Variants in NPAS3 observed in about 807,000 individuals in gnomAD.
NPAS3 encodes the protein neuronal PAS domain protein 3, also known as neuronal PAS domain-containing protein 3.
NPAS3 carries 14 observed loss-of-function variants against 73.1 expected under a neutral mutation model. The observed-to-expected ratio is 0.19, with a 90% CI of 0.13 to 0.30. The LOEUF (loss-of-function observed/expected upper bound fraction) is 0.30. Among genes scored for constraint, NPAS3 ranks in the 10% least tolerant of loss-of-function variants. The pLI is 1.00. For synonymous variants in NPAS3, 620 were observed against 541.5 expected, an observed-to-expected ratio of 1.14 and a Z score of -2.01; for missense variants, 1,096 against 1,250.0, an observed-to-expected ratio of 0.88 and a Z score of 1.86.
At chr14:33,064,277 A>C (rs1302577928) in intron 2 of NPAS3, among the ~76,000 whole-genome samples, 1 of 152,274 alleles carries the variant, frequency 6.6e-6, no homozygotes, top group East Asian at 1.9e-4. Context: ...TTACAATAAG[A>C]AAAATATGCA....
intron 4 of NPAS3, among the ~76,000 whole-genome samples, chr14:33,369,079 T>C (rs997696211): frequency 6.6e-6 from 1 of 152,114 alleles, no homozygotes; most frequent in Non-Finnish European, 1.5e-5. Flanking sequence ...CAAACATAAA[T>C]TCAGTATAAA....
chr14:33,178,079 G>GTT (rs57878369), intron 2 of NPAS3, among the ~76,000 whole-genome samples: 1 of 126,384 alleles, frequency 7.9e-6, no homozygotes, highest in African/African-American at 3.0e-5. Flanking sequence ...AATTTTTTTT[G>GTT]TTTTTTTTTT....
At chr14:33,312,143 C>T (rs2043027910) in intron 3 of NPAS3, among the ~76,000 whole-genome samples, 1 of 152,098 alleles carries the variant, frequency 6.6e-6, no homozygotes. Flanking sequence ...GAGCTATTAA[C>T]AAATCAGCCA....
chr14:33,109,819 T>G, intron 2 of NPAS3, among the ~76,000 whole-genome samples: 1 of 142,982 alleles, frequency 7.0e-6, no homozygotes, highest in Non-Finnish European at 1.5e-5. Context: ...TCTTTTTTTT[T>G]TTTTTTTTTT....
At chr14:33,100,070 T>C (rs2042538296) in intron 2 of NPAS3, among the ~76,000 whole-genome samples, 1 of 152,336 alleles carries the variant, frequency 6.6e-6, no homozygotes, top group East Asian at 1.9e-4. Flanking sequence ...GCCCTACAAA[T>C]TATAGAACTG....
rs1555353816 is a variant in NPAS3, at chr14:33,197,248, T to TGTGTGC, written c.141-17929_141-17928insCGTGTG. On this transcript the variant is annotated intron_variant, in intron 2 of 11. Transcript: ENST00000356141. ...TGCACTCCAGCAGGCTGTGTGTGTG[T>TGTGTGC]GTGTGTGTGTGTGTGTGTGTTCTTT... Among the ~76,000 whole-genome samples the TGTGTGC allele has an allele frequency of 4.1e-5, 6 of 144,950 alleles. No homozygotes were observed. The Admixed American group carries it at 4.3e-4, about 10-fold the overall frequency.
chr14:32,941,737 A>G (rs2036024522), intron 1 of NPAS3, among the ~76,000 whole-genome samples: 2 of 152,106 alleles, frequency 1.3e-5, no homozygotes, highest in Non-Finnish European at 2.9e-5. Context: ...TTTAACCTGT[A>G]TGGAGAAGGA....
At position 33,268,630 on chromosome 14, in the gene NPAS3, T is replaced by C. The variant is rs929838252; in HGVS notation, c.385+53204T>C. On this transcript the variant is annotated intron_variant, in intron 3 of 11. Transcript: ENST00000356141. ...TGAGGAACTTATCAGTCAGCTATGA[T>C]ATGCCTATCACTTACTGAACACTGT... Among the ~76,000 whole-genome samples, 4 of 152,326 alleles carry C rather than the reference T, an allele frequency of 2.6e-5. No homozygotes were observed. The South Asian group carries it at 8.3e-4, about 32-fold the overall frequency.
intron 5 of NPAS3, among the ~76,000 whole-genome samples, chr14:33,609,715 C>T (rs1386128890): frequency 6.6e-6 from 1 of 152,004 alleles, no homozygotes; most frequent in East Asian, 1.9e-4. Flanking sequence ...TCCTGTGTTC[C>T]GCAGCACCAG....
At chr14:32,938,472 A>AGAGAAAGT (rs1344404721), upstream of NPAS3, among the ~76,000 whole-genome samples, 9 of 128,938 alleles carry the variant, frequency 7.0e-5, no homozygotes, top group Non-Finnish European at 5.0e-5. Flanking sequence ...AGAGAGAGAG[A>AGAGAAAGT]GAGAGAGAGA....
At chr14:33,648,784 G>T (rs1053439370) in intron 5 of NPAS3, among the ~76,000 whole-genome samples, 4 of 152,140 alleles carry the variant, frequency 2.6e-5, no homozygotes, top group Admixed American at 2.0e-4. Context: ...CTGTCATTTA[G>T]CCTCATAGTC....
intron 2 of NPAS3, among the ~76,000 whole-genome samples, chr14:33,175,215 C>G (rs2139403445): frequency 6.6e-6 from 1 of 151,910 alleles, no homozygotes; most frequent in East Asian, 1.9e-4. Context: ...AAGGTTATAC[C>G]AAAAATGTTT....
intron 1 of NPAS3, among the ~76,000 whole-genome samples, chr14:32,945,797 T>A (rs118014401): frequency 1.2e-3 from 184 of 152,350 alleles, no homozygotes; most frequent in Admixed American, 3.8e-3. Flanking sequence ...AAAGCATCGT[T>A]ACCTCACCCT....
chr14:33,391,490 G>C (rs2047003857), intron 4 of NPAS3, among the ~76,000 whole-genome samples: 1 of 152,038 alleles, frequency 6.6e-6, no homozygotes, highest in African/African-American at 2.4e-5. Flanking sequence ...ACTGCGCCCA[G>C]CTTGGCCCAT....
intron 3 of NPAS3, among the ~76,000 whole-genome samples, chr14:33,325,145 G>A (rs1044127192): frequency 3.3e-5 from 5 of 152,044 alleles, no homozygotes; most frequent in Admixed American, 1.3e-4. Context: ...GGGAGGGTTT[G>A]ATGAACCAAT....
chr14:33,781,447 G>T (rs1205222022), intron 9 of NPAS3, among the ~76,000 whole-genome samples: 1 of 152,208 alleles, frequency 6.6e-6, no homozygotes, highest in Admixed American at 6.5e-5. Flanking sequence ...AGTCTTGGTT[G>T]TGTAAACACT....
chr14:33,036,038 C>G (rs1349007737), intron 1 of NPAS3, among the ~76,000 whole-genome samples: 1 of 152,186 alleles, frequency 6.6e-6, no homozygotes, highest in East Asian at 1.9e-4. Flanking sequence ...CAACCTACAG[C>G]CTTTTGGTGG....
chr14:33,218,370 C>T (rs925492095), intron 3 of NPAS3, among the ~76,000 whole-genome samples: 1 of 152,130 alleles, frequency 6.6e-6, no homozygotes, highest in Admixed American at 6.6e-5. Context: ...ACTGGTTCTA[C>T]TGTAAAATAT....
At chr14:33,406,983 A>G (rs2047695600) in intron 4 of NPAS3, among the ~76,000 whole-genome samples, 1 of 152,140 alleles carries the variant, frequency 6.6e-6, no homozygotes, top group South Asian at 2.1e-4. Context: ...CTGTTCTTCT[A>G]TATGGAACTA....
Sources: gnomAD v4.1 joint callset for allele counts (sites outside exome capture counted in the v4.1 genomes callset) on GRCh38, gnomAD v4.1.1 for gene constraint, MANE v1.5 for transcripts, NCBI Gene and HGNC (gene_info 2026-07-23, HGNC 2026-07-21) for gene names.